Variants in ZNF283 observed in about 807,000 individuals in gnomAD.
ZNF283 encodes zinc finger protein 41.
A neutral mutation model predicts 9.2 loss-of-function variants in ZNF283; 10 were observed. The ratio of observed to expected loss-of-function variants is 1.09; its 90% CI spans 0.67 to 1.85. The LOEUF is 1.85. Ranked by LOEUF, ZNF283 falls within the 40% of genes most tolerant of loss-of-function variation. The probability of loss-of-function intolerance (pLI) is 0.00; values close to 1 mark genes in which losing one functional copy is unlikely to be tolerated. For missense variants in ZNF283, 631 were observed against 760.1 expected (o/e 0.83, Z 2.00); for synonymous variants, 234 against 244.1 (o/e 0.96, Z 0.38).
rs754160775 is a variant in ZNF283, at chr19:43,847,624, T to C, written c.1023T>C (p.His341=). ...GCCTTGCTAAACATGAGATAATTCA[T>C]ACAGGTGAGAAACCTTATAAATGTA... The part of the protein sequence containing the change: ...GSSLAKHEII[H]TGEKPYKCKE... The change falls in exon 7 of 7, where the codon CAT becomes CAC. Residue 341 remains histidine (H), a synonymous_variant. Transcript: ENST00000618787. 6.2e-7 allele frequency: 1 copy of C among 1,612,756 alleles called. No homozygotes were observed. The highest frequency in any genetic ancestry group is 2.2e-5 in the East Asian group (1 of 44,790).
chr19:43,846,877 GT>G (rs72062467), intron 6 of ZNF283, 61 bp from the exon 7 acceptor site: 261,965 of 832,972 alleles, frequency 0.31, 13,641 homozygotes, highest in African/African-American at 0.39. Context: ...TTCTACTGTA[GT>G]TTTTTTTTTT....
At position 43,848,572 on chromosome 19, in the gene ZNF283, C is replaced by A. The variant is rs1363641410; in HGVS notation, c.1971C>A (p.Asn657Lys). 3 of 1,594,274 alleles carry A rather than the reference C, an allele frequency of 1.9e-6. No individual in the cohort carries two copies. The highest frequency in any genetic ancestry group is 2.6e-6 in the Non-Finnish European group (3 of 1,166,604). ...THSNDKPYKY[N>K]ECGEAFLWTT... ...GTAATGATAAACCCTACAAATATAA[C>A]GAATGTGGGGAAGCCTTTCTGTGGA... The change falls in exon 7 of 7, where the codon AAC becomes AAA. Residue 657 changes from asparagine to lysine, a missense_variant. By Grantham distance (94) the Asn-to-Lys change is moderately conservative (BLOSUM62 0). Transcript: ENST00000618787.
rs1971432117 is a variant in ZNF283 at position 43,847,112 on chromosome 19, C to T, written c.511C>T (p.Gln171Ter). ...CATATTCGAGGGACTAAAAGGACAT[C>T]AAGAGGGATACTTCAGTCAAATGAT... ...KSIFEGLKGHQEGYFSQMIIS... is the reference protein window; with the variant it reads ...KSIFEGLKGH The change falls in exon 7 of 7, where the codon CAA (glutamine) becomes TAA (stop). Residue 171 changes from glutamine to a stop codon, truncating the protein, a stop_gained. Transcript: ENST00000618787. LOFTEE classifies it low-confidence loss of function (END_TRUNC). 2 of 1,613,284 alleles carry T rather than the reference C, an allele frequency of 1.2e-6. No homozygotes were observed. The highest frequency in any genetic ancestry group is 8.5e-7 in the Non-Finnish European group (1 of 1,179,550).
chr19:43,840,222 A>T (rs949103401), intron 6 of ZNF283, among the ~76,000 whole-genome samples: 2 of 152,166 alleles, frequency 1.3e-5, no homozygotes, highest in African/African-American at 4.8e-5. Context: ...TCTGGCTGTA[A>T]AAAGGGGAGG....
intron 6 of ZNF283, 25 bp from the exon 7 acceptor site, chr19:43,846,914 G>A: frequency 1.6e-6 from 2 of 1,221,822 alleles, no homozygotes; most frequent in Non-Finnish European, 2.2e-6. Context: ...GAAATAAAAT[G>A]TGTGGTTTTC....
chr19:43,842,672 C>T (rs1971262214), intron 6 of ZNF283, among the ~76,000 whole-genome samples: 2 of 152,330 alleles, frequency 1.3e-5, no homozygotes, highest in Middle Eastern at 3.4e-3. Flanking sequence ...CCAAACCTTT[C>T]ACAAAGTGAA....
At position 43,848,397 on chromosome 19, in the gene ZNF283, A is replaced by C; in HGVS notation, c.1796A>C (p.Tyr599Ser). 1 of 1,613,920 alleles carries C rather than the reference A, an allele frequency of 6.2e-7. No homozygotes were observed. The highest frequency in any genetic ancestry group is 1.1e-5 in the South Asian group (1 of 91,058). ...AGAGTCCATACTAATGAGAAGTCTT[A>C]TGAATGTAAAGACTGTGGGAAGGCC... is the stretch of plus-strand genomic sequence containing the variant. ...HERVHTNEKSYECKDCGKAFG... is the reference protein window; with the variant it reads ...HERVHTNEKSSECKDCGKAFG... Residue 599 changes from tyrosine to serine, a missense_variant, in exon 7 of 7, where the codon TAT becomes TCT. Around this residue, in one of 3 missense-constraint regions of ZNF283, gnomAD observed 444 missense variants for 522.5 expected, o/e 0.85. Coordinates refer to ENST00000618787, the MANE Select transcript of ZNF283 (RefSeq NM_181845.2).
At chr19:43,832,607 TA>T (rs1241863019) in intron 3 of ZNF283, among the ~76,000 whole-genome samples, 2 of 152,226 alleles carry the variant, frequency 1.3e-5, no homozygotes, top group Non-Finnish European at 2.9e-5. Flanking sequence ...GAGTTCACGT[TA>T]TAAGAAAGCA....
intron 2 of ZNF283, among the ~76,000 whole-genome samples, chr19:43,829,790 G>A (rs1330848796): frequency 6.6e-6 from 1 of 152,128 alleles, no homozygotes; most frequent in African/African-American, 2.4e-5. Context: ...TTGGGAGTCC[G>A]AGGCGGGTGG....
chr19:43,846,276 T>C (rs1289399520), intron 6 of ZNF283, among the ~76,000 whole-genome samples: 2 of 152,208 alleles, frequency 1.3e-5, no homozygotes, highest in Non-Finnish European at 2.9e-5. Context: ...TATGAAGTTA[T>C]AAAAATCAAT....
intron 3 of ZNF283, among the ~76,000 whole-genome samples, chr19:43,832,360 G>T (rs1970747049): frequency 6.6e-6 from 1 of 152,174 alleles, no homozygotes; most frequent in Non-Finnish European, 1.5e-5. Context: ...AGAATAAGAA[G>T]GTTCTTGTTG....
chr19:43,836,964 T>G, intron 5 of ZNF283, 89 bp from the exon 6 acceptor site: 9 of 1,420,200 alleles, frequency 6.3e-6, no homozygotes, highest in Non-Finnish European at 6.9e-6. Context: ...TTTCTCCCCC[T>G]CTTTGTAGTT....
rs1599738370 is a variant in ZNF283 at position 43,851,502 on chromosome 19, G to T, written c.*2861G>T. 1.3e-5 allele frequency: 2 copies of T among 152,070 alleles called. No homozygotes were observed. The highest frequency in any genetic ancestry group is 2.9e-5 in the Non-Finnish European group (2 of 68,022). 9.4% of individuals were successfully genotyped at this position (152,070 alleles called of 1,614,324 possible). On this transcript the variant is annotated 3_prime_UTR_variant, in exon 7 of 7. Transcript: ENST00000618787. ...GAAGCCGAGGCGGGCGGATCACGAG[G>T]TCAGGAGATCAAGACCATCCTGGCT...
chr19:43,832,715 A>G (rs1325958755), intron 3 of ZNF283, among the ~76,000 whole-genome samples: 1 of 152,162 alleles, frequency 6.6e-6, no homozygotes, highest in Non-Finnish European at 1.5e-5. Flanking sequence ...TTCATTTTCA[A>G]TAATAATGAT....
At chr19:43,841,790 T>C (rs995898829) in intron 6 of ZNF283, among the ~76,000 whole-genome samples, 8 of 152,226 alleles carry the variant, frequency 5.3e-5, no homozygotes, top group African/African-American at 1.9e-4. Flanking sequence ...CCAACTGATA[T>C]ATTTTTTCTT....
chr19:43,833,238 A>G (rs937922183), intron 3 of ZNF283, among the ~76,000 whole-genome samples: 13 of 151,990 alleles, frequency 8.6e-5, no homozygotes, highest in African/African-American at 2.7e-4. Flanking sequence ...CTTAATTTCA[A>G]TAGAATATGC....
At chr19:43,830,220 A>G (rs1172304436) in intron 2 of ZNF283, among the ~76,000 whole-genome samples, 1 of 152,128 alleles carries the variant, frequency 6.6e-6, no homozygotes, top group Non-Finnish European at 1.5e-5. Flanking sequence ...GACTACAGGT[A>G]CGTGCCACAA....
chr19:43,837,923 T>C (rs1454867246), intron 6 of ZNF283: 2 of 152,186 alleles, frequency 1.3e-5, no homozygotes, highest in Non-Finnish European at 2.9e-5. Flanking sequence ...GCCAGGGAGA[T>C]AGGAAGGGGC....
chr19:43,837,115 C>T lies in ZNF283; in HGVS notation c.273C>T (p.Asp91=), dbSNP rs769065601. The T allele has an allele frequency of 6.2e-7, 1 of 1,613,996 alleles. No homozygotes were observed. The highest frequency in any genetic ancestry group is 2.2e-5 in the East Asian group (1 of 44,876). ...DFSQEEWECL[D]PAQRDLYVDV... ...CTCAGGAGGAGTGGGAATGCCTGGA[C>T]CCTGCTCAGAGGGACTTGTACGTGG... The change falls in exon 6 of 7, where the codon GAC becomes GAT. Residue 91 remains aspartate (D), a synonymous_variant. Transcript: ENST00000618787.
Sources: allele counts gnomAD v4.1 joint callset (sites outside exome capture counted in the v4.1 genomes callset), GRCh38; gene constraint gnomAD v4.1.1; regional missense constraint gnomAD v4.1.1; transcripts MANE v1.5; gene names NCBI Gene and HGNC (gene_info 2026-07-23, HGNC 2026-07-21).